Variants in NDUFA8 observed in about 807,000 individuals in gnomAD.
NDUFA8 encodes the protein NADH dehydrogenase [ubiquinone] 1 alpha subcomplex subunit 8.
Under a neutral mutation model 20.9 loss-of-function variants are expected in NDUFA8, and 16 were observed. The ratio of observed to expected loss-of-function variants is 0.77; its 90% confidence interval spans 0.52 to 1.16. NDUFA8 has a LOEUF of 1.16. Ranked by LOEUF, NDUFA8 falls within the 50% of genes most tolerant of loss-of-function variation. NDUFA8 has a pLI of 0.00. For synonymous variants in NDUFA8, 70 were observed against 76.1 expected, an observed-to-expected ratio of 0.92 and a Z score of 0.41; for missense variants, 202 against 216.4, an observed-to-expected ratio of 0.93 and a Z score of 0.42.
intron 1 of NDUFA8, 43 bp from the exon 2 acceptor site, chr9:122,152,451 A>G: frequency 6.3e-7 from 1 of 1,598,500 alleles, no homozygotes; most frequent in Non-Finnish European, 8.6e-7. Context: ...ACTGTGAACC[A>G]GAATACCACT....
chr9:122,153,439 T>C (rs994324578), intron 1 of NDUFA8, among the ~76,000 whole-genome samples: 44 of 80,060 alleles, frequency 5.5e-4, no homozygotes, highest in African/African-American at 1.8e-3. Flanking sequence ...AATAAAGTAC[T>C]AAAATCTGCA....
the NDUFA8 span, among the ~76,000 whole-genome samples, chr9:122,138,937 T>G: frequency 3.3e-4 from 42 of 127,172 alleles, no homozygotes; most frequent in Non-Finnish European, 5.0e-4. Flanking sequence ...ACGGATGGAG[T>G]GTTGGGGGAC....
the NDUFA8 span, among the ~76,000 whole-genome samples, chr9:122,138,128 A>G: frequency 1.3e-5 from 2 of 152,234 alleles, no homozygotes; most frequent in Non-Finnish European, 2.9e-5. Flanking sequence ...AGTTTTGGAG[A>G]GCAAGGGAAA....
chr9:122,147,182 A>G (rs1828916627), intron 3 of NDUFA8, among the ~76,000 whole-genome samples: 1 of 152,106 alleles, frequency 6.6e-6, no homozygotes, highest in African/African-American at 2.4e-5. Context: ...AAATTCATGT[A>G]CCCCAGGTTA....
chr9:122,152,460 C>T (rs1829018141), intron 1 of NDUFA8, 52 bp from the exon 2 acceptor site: 3 of 1,573,096 alleles, frequency 1.9e-6, no homozygotes, highest in East Asian at 4.5e-5. Context: ...CAGAATACCA[C>T]TTTCTCAGCT....
downstream of NDUFA8, among the ~76,000 whole-genome samples, chr9:122,140,738 G>C (rs7039951): frequency 0.066 from 10,040 of 152,238 alleles, 416 homozygotes; most frequent in East Asian, 0.16. Flanking sequence ...CCTCTACTAT[G>C]CATTTTGTGT....
chr9:122,138,977 G>C, the NDUFA8 span, among the ~76,000 whole-genome samples: 2 of 152,038 alleles, frequency 1.3e-5, no homozygotes, highest in Non-Finnish European at 2.9e-5. Context: ...GGAGCGCTCT[G>C]AGTCACACTG....
Position 122,144,371 on chromosome 9 carries a change from T to G in NDUFA8, c.389A>C (p.Lys130Thr), listed in dbSNP as rs1828869532. Residue 130 changes from lysine (K) to threonine (T), a missense_variant, in exon 4 of 4, where the codon AAA (lysine) becomes ACA (threonine). By Grantham distance (78) the Lys-to-Thr change is moderately conservative (BLOSUM62 -1). Transcript: ENST00000373768. ...CGGTAAAGGTCGATCTGTTTTCACT[T>G]TGGTGACCTGGGAAGGGTGAAGAGG... is the stretch of plus-strand genomic sequence containing the variant. ...PDLGELSKVTKVKTDRPLPEN... is the reference protein window; with the variant it reads ...PDLGELSKVTTVKTDRPLPEN... 1 of 1,614,128 alleles carries G rather than the reference T, an allele frequency of 6.2e-7. No homozygotes were observed. The highest frequency in any genetic ancestry group is 8.5e-7 in the Non-Finnish European group (1 of 1,179,966).
At chr9:122,157,972 T>C (rs1400560872) in intron 1 of NDUFA8, among the ~76,000 whole-genome samples, 1 of 152,032 alleles carries the variant, frequency 6.6e-6, no homozygotes, top group Non-Finnish European at 1.5e-5. Flanking sequence ...GCTAACACGG[T>C]GAAACCCCGT....
chr9:122,139,900 C>A (rs550013590), downstream of NDUFA8, among the ~76,000 whole-genome samples: 7 of 152,246 alleles, frequency 4.6e-5, no homozygotes, highest in Admixed American at 2.0e-4. Context: ...CTCATGTTGC[C>A]CAGGCTGGTC....
chr9:122,146,528 A>T (rs1422654418), intron 3 of NDUFA8, among the ~76,000 whole-genome samples: 2 of 152,242 alleles, frequency 1.3e-5, no homozygotes, highest in Non-Finnish European at 2.9e-5. Flanking sequence ...CAAGCCAGAT[A>T]TAAAAGACAA....
Position 122,144,328 on chromosome 9 carries a change from T to C in NDUFA8, c.432A>G (p.Ser144=). ...CAGGGCTGGGATCCGGTCTTGGTCT[T>C]GAGTGATAGGGATTCTCCGGTAAAG... ...DRPLPENPYH[S]RPRPDPSPEI... The change falls in exon 4 of 4, where the codon TCA becomes TCG. Residue 144 remains serine (S), a synonymous_variant. Transcript: ENST00000373768. The C allele has an allele frequency of 6.2e-7, 1 of 1,614,176 alleles. No homozygotes were observed. Among genetic ancestry groups the C allele is most frequent in the East Asian group, 2.2e-5 (1 of 44,878 alleles).
At chr9:122,157,790 T>C (rs1829096539) in intron 1 of NDUFA8, among the ~76,000 whole-genome samples, 1 of 152,226 alleles carries the variant, frequency 6.6e-6, no homozygotes, top group Non-Finnish European at 1.5e-5. Flanking sequence ...TAATAATTTC[T>C]TCCTCTGAGG....
At chr9:122,158,472 A>G (rs1189367940) in intron 1 of NDUFA8, among the ~76,000 whole-genome samples, 1 of 151,968 alleles carries the variant, frequency 6.6e-6, no homozygotes, top group African/African-American at 2.4e-5. Context: ...CCCTAAACAC[A>G]CAAGTTCTGC....
intron 3 of NDUFA8, 89 bp from the exon 4 acceptor site, chr9:122,144,467 T>C (rs1828872560): frequency 8.4e-7 from 1 of 1,184,256 alleles, no homozygotes; most frequent in African/African-American, 1.5e-5. Context: ...GTCTCCTCAT[T>C]GCTCCCGCTG....
chr9:122,137,816 C>G, the NDUFA8 span, among the ~76,000 whole-genome samples: 1 of 152,190 alleles, frequency 6.6e-6, no homozygotes, highest in Non-Finnish European at 1.5e-5. Flanking sequence ...CTTGGTCCAA[C>G]TCTTTATTTT....
chr9:122,152,116 G>A, intron 2 of NDUFA8, 129 bp downstream of exon 2: 2 of 1,044,184 alleles, frequency 1.9e-6, no homozygotes, highest in Non-Finnish European at 1.4e-6. Context: ...TCCTTTGAAT[G>A]TTTTACCTTG....
At chr9:122,141,541 G>A (rs1017269675), downstream of NDUFA8, among the ~76,000 whole-genome samples, 5 of 152,194 alleles carry the variant, frequency 3.3e-5, no homozygotes, top group African/African-American at 7.2e-5. Context: ...GACACTGGGA[G>A]GATGGAGACA....
intron 2 of NDUFA8, among the ~76,000 whole-genome samples, chr9:122,151,543 G>C (rs962221729): frequency 1.6e-4 from 24 of 152,174 alleles, no homozygotes; most frequent in African/African-American, 5.8e-4. Context: ...CAAGGTGAGA[G>C]TCTTTCCAAA....
Sources: allele counts gnomAD v4.1 joint callset (sites outside exome capture counted in the v4.1 genomes callset), GRCh38; gene constraint gnomAD v4.1.1; transcripts MANE v1.5; gene names NCBI Gene and HGNC (gene_info 2026-07-23, HGNC 2026-07-21).